Variants in RANBP2 observed in about 807,000 individuals in gnomAD.
The protein encoded by RANBP2 is E3 SUMO-protein ligase RanBP2.
In RANBP2, 57 loss-of-function variants were observed where a neutral mutation model predicts 303.6. The ratio of observed to expected loss-of-function variants is 0.19; its 90% CI spans 0.15 to 0.23. RANBP2 has a LOEUF of 0.23. RANBP2 is among the 10% of genes least tolerant of loss of function. The pLI, the probability that RANBP2 is intolerant of heterozygous loss-of-function variation, is 1.00. For synonymous variants in RANBP2, 1,167 were observed against 1,301.5 expected, an observed-to-expected ratio of 0.90 and a Z score of 2.23; for missense variants, 3,138 against 3,780.8, an observed-to-expected ratio of 0.83 and a Z score of 4.46.
chr2:109,022,022 A>G, the RANBP2 span, among the ~76,000 whole-genome samples: 10 of 152,200 alleles, frequency 6.6e-5, no homozygotes, highest in African/African-American at 2.4e-4. Flanking sequence ...CAGAGTTTAC[A>G]CAATTCGAAG....
the RANBP2 span, among the ~76,000 whole-genome samples, chr2:109,063,658 A>G: frequency 1.3e-5 from 2 of 152,122 alleles, no homozygotes; most frequent in African/African-American, 2.4e-5. Context: ...CACATACAAG[A>G]GATACAGATA....
the RANBP2 span, chr2:109,251,369 G>T: frequency 1.6e-6 from 1 of 634,226 alleles, no homozygotes; most frequent in South Asian, 1.5e-5. Context: ...GGGAGCATGA[G>T]GGAGTCTGTG....
chr2:108,739,987 C>CAAA (rs201160038), intron 6 of RANBP2, among the ~76,000 whole-genome samples: 1 of 129,554 alleles, frequency 7.7e-6, no homozygotes, highest in Admixed American at 7.9e-5. Flanking sequence ...GACTCCGTCT[C>CAAA]AAAAAAAAAA....
At chr2:108,755,384 C>T (rs1676226091) in intron 17 of RANBP2, 125 bp downstream of exon 17, 4 of 1,195,916 alleles carry the variant, frequency 3.3e-6, no homozygotes, top group South Asian at 1.3e-5. Flanking sequence ...GGCAAGGGGA[C>T]ATTTTGGTCT....
the RANBP2 span, among the ~76,000 whole-genome samples, chr2:108,956,443 T>G: frequency 4.0e-4 from 61 of 152,360 alleles, no homozygotes; most frequent in East Asian, 0.011. Flanking sequence ...AATCCCTCCA[T>G]GTCCTCCACT....
chr2:109,456,864 C>T, the RANBP2 span, among the ~76,000 whole-genome samples: 2 of 152,248 alleles, frequency 1.3e-5, no homozygotes, highest in Admixed American at 1.3e-4. Context: ...AGCTTCTCTT[C>T]TGGGGAGAAT....
chr2:109,465,725 A>C, the RANBP2 span, among the ~76,000 whole-genome samples: 1 of 152,216 alleles, frequency 6.6e-6, no homozygotes, highest in Admixed American at 6.5e-5. Context: ...GGAAGCTTCC[A>C]ATCATGGCGG....
At chr2:109,267,107 G>A in the RANBP2 span, among the ~76,000 whole-genome samples, 4 of 152,254 alleles carry the variant, frequency 2.6e-5, no homozygotes, top group African/African-American at 9.6e-5. Context: ...TCTCTGATGG[G>A]TATCGCTCAG....
chr2:109,595,345 G>GCA, the RANBP2 span, among the ~76,000 whole-genome samples: 1 of 152,186 alleles, frequency 6.6e-6, no homozygotes, highest in Admixed American at 6.5e-5. Context: ...ATGATACAAA[G>GCA]CACATCAGAG....
At chr2:109,093,622 G>T in the RANBP2 span, among the ~76,000 whole-genome samples, 1 of 106,354 alleles carries the variant, frequency 9.4e-6, no homozygotes, top group Admixed American at 8.4e-5. Context: ...GATTTAAAAA[G>T]ATTTTTTTTT....
chr2:109,360,111 G>A, the RANBP2 span, among the ~76,000 whole-genome samples: 20 of 150,680 alleles, frequency 1.3e-4, no homozygotes, highest in Non-Finnish European at 2.8e-4. Flanking sequence ...TCAAAGCACA[G>A]CATCATAGGT....
At chr2:108,818,258 G>C in the RANBP2 span, among the ~76,000 whole-genome samples, 1 of 152,132 alleles carries the variant, frequency 6.6e-6, no homozygotes, top group Non-Finnish European at 1.5e-5. Context: ...AGTGAGCCGT[G>C]ATTGTACCAC....
the RANBP2 span, among the ~76,000 whole-genome samples, chr2:109,036,418 T>C: frequency 8.5e-5 from 13 of 152,276 alleles, no homozygotes; most frequent in African/African-American, 2.6e-4. Flanking sequence ...TCTCTATAAA[T>C]TTAGACACAA....
the RANBP2 span, chr2:108,791,597 T>G: frequency 6.8e-7 from 1 of 1,478,724 alleles, no homozygotes; most frequent in Non-Finnish European, 9.4e-7. Context: ...ATGCTGTTAA[T>G]ATTTGAAAAG....
the RANBP2 span, among the ~76,000 whole-genome samples, chr2:109,462,047 T>C: frequency 6.6e-6 from 1 of 151,842 alleles, no homozygotes; most frequent in Admixed American, 6.6e-5. Flanking sequence ...TTCACTGAGG[T>C]AGAAGGCCTT....
the RANBP2 span, among the ~76,000 whole-genome samples, chr2:109,418,882 C>T: frequency 1.3e-5 from 2 of 152,154 alleles, no homozygotes; most frequent in South Asian, 4.1e-4. Flanking sequence ...TAAGGATTCT[C>T]TATGTAGGAA....
the RANBP2 span, chr2:109,502,370 A>G: frequency 2.0e-5 from 3 of 152,224 alleles, no homozygotes; most frequent in Non-Finnish European, 1.5e-5. Context: ...TATATTTCTA[A>G]TAGGTCAGAC....
At chr2:109,405,651 G>A in the RANBP2 span, among the ~76,000 whole-genome samples, 2 of 152,262 alleles carry the variant, frequency 1.3e-5, no homozygotes, top group East Asian at 1.9e-4. Context: ...GCTCCTGCCC[G>A]CCCTTCCAGA....
At position 108,729,150 on chromosome 2, in the gene RANBP2, T is replaced by C. The variant is rs773232332; in HGVS notation, c.91T>C (p.Tyr31His). The C allele has an allele frequency of 6.4e-7, 1 of 1,573,166 alleles. No homozygotes were observed. Among genetic ancestry groups the C allele is most frequent in the Admixed American group, 1.7e-5 (1 of 59,242 alleles). Residue 31 changes from tyrosine (Y) to histidine (H), a missense_variant, in exon 2 of 29, where the codon TAT (tyrosine) becomes CAT (histidine). Physicochemically the swap from Tyr to His is moderately conservative, Grantham distance 83. Around this residue, in one of 20 missense-constraint regions of RANBP2, gnomAD observed 306 missense variants for 381.9 expected, o/e 0.80. Coordinates refer to ENST00000283195, the MANE Select transcript of RANBP2 (RefSeq NM_006267.5). The part of the protein sequence containing the change: ...SPRQKSMKGF[Y>H]FAKLYYEAKE... ...TTTTTAGAAGTCAATGAAAGGATTC[T>C]ATTTTGCAAAGCTGTATTATGAAGC...
Sources: gnomAD v4.1 joint callset for allele counts (sites outside exome capture counted in the v4.1 genomes callset) on GRCh38, gnomAD v4.1.1 for gene constraint, gnomAD v4.1.1 regional missense constraint, MANE v1.5 for transcripts, NCBI Gene and HGNC (gene_info 2026-07-23, HGNC 2026-07-21) for gene names.